Variants in GLS2 observed in about 807,000 individuals in gnomAD.
GLS2 encodes the protein glutaminase liver isoform, mitochondrial.
GLS2 carries 52 observed loss-of-function variants against 79.0 expected under a neutral mutation model. The ratio of observed to expected loss-of-function variants is 0.66; its 90% confidence interval spans 0.53 to 0.83. The LOEUF is 0.83. Among genes scored for constraint, GLS2 ranks in the 40% least tolerant of loss-of-function variants. GLS2 has a pLI of 0.00. For synonymous variants in GLS2, 238 were observed against 280.8 expected (o/e 0.85, Z 1.52); for missense variants, 561 against 764.8 (o/e 0.73, Z 3.14).
Position 56,471,648 on chromosome 12 carries a change from G to C in GLS2, c.1653-5C>G. The C allele has an allele frequency of 1.9e-6, 3 of 1,613,958 alleles. No individual in the cohort carries two copies. Among genetic ancestry groups the C allele is most frequent in the Non-Finnish European group, 2.5e-6 (3 of 1,179,874 alleles). On this transcript the variant is annotated splice_polypyrimidine_tract_variant and splice_region_variant and intron_variant, in intron 17 of 17. Coordinates refer to ENST00000311966, the MANE Select transcript of GLS2 (RefSeq NM_013267.4). ...TCCAGGGGAATGTTGCCCCACCTGAGAGGAATAATGATATGATCAGGCAAA... is the reference window on the plus strand; with the variant it reads ...TCCAGGGGAATGTTGCCCCACCTGACAGGAATAATGATATGATCAGGCAAA...
intron 10 of GLS2, 52 bp downstream of exon 10, chr12:56,474,992 C>T: frequency 1.2e-6 from 2 of 1,613,944 alleles, no homozygotes; most frequent in Non-Finnish European, 1.7e-6. Context: ...TACTGCCCTT[C>T]CACTAGCAGC....
At chr12:56,475,380 A>G (rs1036236554) in intron 9 of GLS2, 2 of 832,470 alleles carry the variant, frequency 2.4e-6, no homozygotes, top group African/African-American at 3.4e-5. Flanking sequence ...AAGTCTTGGC[A>G]AGAAAGGGCT....
At chr12:56,479,723 G>C in intron 3 of GLS2, 57 bp downstream of exon 3, 1 of 1,526,098 alleles carries the variant, frequency 6.6e-7, no homozygotes, top group Non-Finnish European at 8.8e-7. Context: ...TGCTCTGAGA[G>C]TCTATGTCCA....
chr12:56,482,189 C>A (rs959680182), intron 1 of GLS2, among the ~76,000 whole-genome samples: 2 of 151,994 alleles, frequency 1.3e-5, no homozygotes, highest in African/African-American at 4.8e-5. Flanking sequence ...CGAGATTGTG[C>A]CACTGCACTC....
At chr12:56,472,363 T>C (rs1869361166) in intron 15 of GLS2, 168 bp from the exon 16 acceptor site, 1 of 629,252 alleles carries the variant, frequency 1.6e-6, no homozygotes, top group South Asian at 1.9e-5. Context: ...GAGACTGTTA[T>C]ACTCATATTA....
At chr12:56,483,924 T>C (rs1870493854) in intron 1 of GLS2, among the ~76,000 whole-genome samples, 2 of 152,076 alleles carry the variant, frequency 1.3e-5, no homozygotes, top group Admixed American at 6.6e-5. Context: ...GAAAAATATA[T>C]ATGTGTTTGC....
intron 1 of GLS2, among the ~76,000 whole-genome samples, chr12:56,483,273 G>A (rs181812375): frequency 3.9e-4 from 59 of 151,328 alleles, no homozygotes; most frequent in African/African-American, 1.4e-3. Context: ...TAGAGACAGG[G>A]TTTCACCATG....
Position 56,479,834 on chromosome 12 carries a change from C to T in GLS2, c.350G>A (p.Arg117His), listed in dbSNP as rs142066790. 3.2e-5 allele frequency: 51 copies of T among 1,612,294 alleles called. No individual in the cohort carries two copies. The highest frequency in any genetic ancestry group is 2.3e-4 in the African/African-American group (17 of 74,948). ...RLRDCMSEMHRVVQESSSGGL... is the reference protein window; with the variant it reads ...RLRDCMSEMHHVVQESSSGGL... The stretch of plus-strand genomic sequence containing the variant: ...ACCACTACTGGACTCTTGGACCACG[C>T]GGTGCATCTCGCTCATGCAGTCTCG... Residue 117 changes from arginine (R) to histidine (H), a missense_variant, in exon 3 of 18, where the codon CGC becomes CAC. Arg to His is a conservative substitution (Grantham distance 29, BLOSUM62 0). This residue lies in a region of GLS2 where 161 missense variants were observed against 167.8 expected (regional missense o/e 0.96). Transcript: ENST00000311966.
chr12:56,477,655 C>T lies in GLS2; in HGVS notation c.837+5G>A. 6.2e-7 allele frequency: 1 copy of T among 1,613,054 alleles called. No homozygotes were observed. The highest frequency in any genetic ancestry group is 8.5e-7 in the Non-Finnish European group (1 of 1,179,488). On this transcript the variant is annotated splice_donor_5th_base_variant and intron_variant, in intron 7 of 17. Transcript: ENST00000311966. ...TACCTATCAGAAGGTTAAGGTGGCA[C>T]TGACCTTGATCAGGGAGCTGACAAC...
At chr12:56,475,795 G>C (rs1271823981) in intron 8 of GLS2, 113 bp from the exon 9 acceptor site, 1 of 1,176,114 alleles carries the variant, frequency 8.5e-7, no homozygotes, top group South Asian at 1.3e-5. Context: ...TTTCCTCTCT[G>C]AGGCCAGCAG....
rs1870843555 is a variant in GLS2 at position 56,488,109 on chromosome 12, T to C, written c.10A>G (p.Met4Val). 2 of 1,548,220 alleles carry C rather than the reference T, an allele frequency of 1.3e-6. No homozygotes were observed. Among genetic ancestry groups the C allele is most frequent in the South Asian group, 1.2e-5 (1 of 85,638 alleles). The stretch of plus-strand genomic sequence containing the variant: ...CTCAGGGCCTTCTGCAGAGCCTTCA[T>C]GGAGCGCATGCCCCAGCAAGCCTCC... MRS[M>V]KALQKALSRA... Residue 4 changes from methionine (M) to valine (V), a missense_variant, in exon 1 of 18, where the codon ATG (methionine) becomes GTG (valine). Transcript: ENST00000311966.
chr12:56,479,691 A>G, intron 3 of GLS2, 89 bp downstream of exon 3: 1 of 1,420,036 alleles, frequency 7.0e-7, no homozygotes, highest in Non-Finnish European at 9.4e-7. Flanking sequence ...GAATTGAACT[A>G]TACAATTCCC....
chr12:56,473,791 A>AT (rs1245788502), intron 12 of GLS2, 197 bp from the exon 13 acceptor site: 4 of 625,564 alleles, frequency 6.4e-6, no homozygotes, highest in Non-Finnish European at 1.0e-5. Context: ...GCTAGAAAAT[A>AT]TTTTTTGAAA....
intron 1 of GLS2, among the ~76,000 whole-genome samples, chr12:56,484,073 C>T (rs930914473): frequency 2.0e-5 from 3 of 152,026 alleles, no homozygotes; most frequent in Non-Finnish European, 4.4e-5. Context: ...AGTTCGAGAC[C>T]AGCCTGACCA....
chr12:56,474,600 G>C lies in GLS2; in HGVS notation c.1168C>G (p.Leu390Val), dbSNP rs756449076. The C allele has an allele frequency of 5.6e-6, 9 of 1,614,200 alleles. No homozygotes were observed. The highest frequency in any genetic ancestry group is 8.5e-7 in the Non-Finnish European group (1 of 1,180,050). ...ATGCCGCAGGAATGCATGAGGCTGA[G>C]GGTGTTGCGCACTGCTTCAGCACTC... ...VLSAEAVRNT[L>V]SLMHSCGMYD... The change falls in exon 12 of 18, where the codon CTC becomes GTC. Residue 390 changes from leucine (L) to valine (V), a missense_variant. By Grantham distance (32) the Leu-to-Val change is conservative. Coordinates refer to ENST00000311966, the MANE Select transcript of GLS2 (RefSeq NM_013267.4).
At chr12:56,473,024 G>A (rs1342963255) in intron 14 of GLS2, 2 of 604,694 alleles carry the variant, frequency 3.3e-6, no homozygotes, top group Non-Finnish European at 5.7e-6. Context: ...CAAGTAGCTG[G>A]GACCACAGGC....
chr12:56,485,885 T>C (rs771495270), intron 1 of GLS2, among the ~76,000 whole-genome samples: 29 of 151,512 alleles, frequency 1.9e-4, no homozygotes, highest in Non-Finnish European at 4.1e-4. Flanking sequence ...CTATTAAAAA[T>C]ACAAAAATTA....
chr12:56,484,443 A>G (rs1343278314), intron 1 of GLS2, among the ~76,000 whole-genome samples: 1 of 152,200 alleles, frequency 6.6e-6, no homozygotes, highest in East Asian at 1.9e-4. Flanking sequence ...ATAATACTCA[A>G]ACAGCTTGGC....
chr12:56,473,388 A>G, intron 13 of GLS2, 68 bp from the exon 14 acceptor site: 1 of 1,606,126 alleles, frequency 6.2e-7, no homozygotes, highest in Non-Finnish European at 8.5e-7. Context: ...AAATTGCTTT[A>G]TTATAGTAAA....
Sources: gnomAD v4.1 joint callset for allele counts (sites outside exome capture counted in the v4.1 genomes callset) on GRCh38, gnomAD v4.1.1 for gene constraint, gnomAD v4.1.1 regional missense constraint, MANE v1.5 for transcripts, NCBI Gene and HGNC (gene_info 2026-07-23, HGNC 2026-07-21) for gene names.